Variants in CCDC183 observed in about 807,000 individuals in gnomAD.
CCDC183 encodes the protein coiled-coil domain containing 183, also known as coiled-coil domain-containing protein 183.
A neutral mutation model predicts 65.2 loss-of-function variants in CCDC183; 63 were observed. The ratio of observed to expected loss-of-function variants is 0.97; its 90% CI spans 0.79 to 1.19. CCDC183 has a LOEUF of 1.19. Ranked by LOEUF, CCDC183 falls within the 50% of genes most tolerant of loss-of-function variation. The pLI is 0.00. For missense variants in CCDC183, 769 were observed against 689.3 expected (o/e 1.12, Z -1.30); for synonymous variants, 323 against 276.5 (o/e 1.17, Z -1.67).
At chr9:136,803,648 G>C (rs2131135353) in intron 6 of CCDC183, among the ~76,000 whole-genome samples, 1 of 152,344 alleles carries the variant, frequency 6.6e-6, no homozygotes, top group Middle Eastern at 3.4e-3. Flanking sequence ...GCAGAGACAG[G>C]TGGGGTGGCA....
chr9:136,806,225 C>A lies in CCDC183; in HGVS notation c.1096C>A (p.Pro366Thr). 1 of 1,592,292 alleles carries A rather than the reference C, an allele frequency of 6.3e-7. No homozygotes were observed. The highest frequency in any genetic ancestry group is 8.6e-7 in the Non-Finnish European group (1 of 1,169,462). The change falls in exon 10 of 14, where the codon CCT becomes ACT. Residue 366 changes from proline (P) to threonine (T), a missense_variant. Coordinates refer to ENST00000338005, the MANE Select transcript of CCDC183 (RefSeq NM_001039374.5). Reference protein sequence around the residue: ...EEAVLKFRQKPSSISFKSVEK... With the variant: ...EEAVLKFRQKTSSISFKSVEK... Reference sequence around the variant, plus strand: ...GGCCGTGCTCAAGTTCCGCCAGAAGCCTAGCTCCATCAGGTGCCCCGGGCT... The same window carrying A: ...GGCCGTGCTCAAGTTCCGCCAGAAGACTAGCTCCATCAGGTGCCCCGGGCT...
At chr9:136,801,949 G>A (rs917819398) in intron 5 of CCDC183, among the ~76,000 whole-genome samples, 7 of 151,992 alleles carry the variant, frequency 4.6e-5, no homozygotes, top group South Asian at 4.2e-4. Flanking sequence ...TACCACGCCC[G>A]GCTGATTTTT....
intron 1 of CCDC183, 51 bp from the exon 2 acceptor site, chr9:136,799,051 C>T: frequency 6.2e-7 from 1 of 1,607,772 alleles, no homozygotes; most frequent in South Asian, 1.1e-5. Context: ...GGATTCCAGG[C>T]CAGGCCCTTG....
chr9:136,799,824 C>A, intron 3 of CCDC183, 34 bp downstream of exon 3: 1 of 1,578,456 alleles, frequency 6.3e-7, no homozygotes, highest in Non-Finnish European at 8.7e-7. Flanking sequence ...AGACCCAACC[C>A]TCCCCACCCC....
intron 6 of CCDC183, among the ~76,000 whole-genome samples, chr9:136,803,708 C>T (rs541499485): frequency 3.9e-5 from 6 of 152,268 alleles, no homozygotes; most frequent in South Asian, 2.1e-4. Flanking sequence ...GGATTGAACC[C>T]GCAAAGGTCA....
chr9:136,807,025 A>C lies in CCDC183; in HGVS notation c.1445A>C (p.Asn482Thr), dbSNP rs201249285. The C allele has an allele frequency of 1.8e-4, 291 of 1,613,564 alleles. 2 individuals are homozygous for C. Among genetic ancestry groups the C allele is most frequent in the South Asian group, 1.4e-3 (131 of 91,076 alleles). Reference sequence around the variant, plus strand: ...TCCTCGACTCTGATGGAGAAGTACAACACCAGGATCAGCTTTGAGAACCGG... The same window carrying C: ...TCCTCGACTCTGATGGAGAAGTACACCACCAGGATCAGCTTTGAGAACCGG... ...LESSTLMEKYNTRISFENREE... is the reference protein window; with the variant it reads ...LESSTLMEKYTTRISFENREE... The change falls in exon 13 of 14, where the codon AAC becomes ACC. Residue 482 changes from asparagine (N) to threonine (T), a missense_variant. Transcript: ENST00000338005.
At chr9:136,800,756 C>G in intron 5 of CCDC183, 1 of 443,576 alleles carries the variant, frequency 2.3e-6, no homozygotes, top group Non-Finnish European at 4.1e-6. Context: ...TGTATCTTGC[C>G]TGTCATTTTC....
chr9:136,807,337 G>T (rs982599169), intron 13 of CCDC183: 33 of 660,550 alleles, frequency 5.0e-5, no homozygotes, highest in Admixed American at 1.8e-4. Flanking sequence ...CTGGAGCAGG[G>T]AGGAGCGCGG....
chr9:136,803,290 C>T (rs35988178), intron 6 of CCDC183, among the ~76,000 whole-genome samples: 6,017 of 117,414 alleles, frequency 0.051, 973 homozygotes, highest in Middle Eastern at 0.072. Flanking sequence ...GCTGGGGCCC[C>T]CCAGGGCGGG....
At position 136,803,217 on chromosome 9, in the gene CCDC183, GGGCCCCCCAGGGCCA is replaced by G. The variant is rs1422129528; in HGVS notation, c.666+433_666+447del. On this transcript the variant is annotated intron_variant, in intron 6 of 13. Transcript: ENST00000338005. ...AGGTGAGCTCAGGGCCCAGGGCTGG[GGGCCCCCCAGGGCCA>G]GCCCTCTTGGATCTTCGGATGGGGT... Among the ~76,000 whole-genome samples, 795 of 85,256 alleles carry G rather than the reference GGGCCCCCCAGGGCCA, an allele frequency of 9.3e-3. 85 individuals are homozygous for G. Among genetic ancestry groups the G allele is most frequent in the Non-Finnish European group, 0.012 (497 of 39,772 alleles). The allele number at this position is 85,256 out of a possible 152,430, so 55.9% of individuals were successfully genotyped here.
intron 1 of CCDC183, among the ~76,000 whole-genome samples, chr9:136,797,861 C>T (rs1048613829): frequency 6.6e-5 from 10 of 152,154 alleles, no homozygotes; most frequent in African/African-American, 1.7e-4. Context: ...CGCTCTGTCA[C>T]GCAGGCTCGA....
rs1330986592 is a variant in CCDC183 at position 136,807,670 on chromosome 9, G to T, written c.1585G>T (p.Ala529Ser). The T allele has an allele frequency of 6.2e-7, 1 of 1,602,642 alleles. No individual in the cohort carries two copies. Among genetic ancestry groups the T allele is most frequent in the South Asian group, 1.1e-5 (1 of 89,750 alleles). ...QRLIEGKLKA[A>S]KKKKK ...GCTAATCGAGGGGAAGCTCAAGGCG[G>T]CCAAGAAAAAGAAGAAGTAGCCCCG... is the stretch of plus-strand genomic sequence containing the variant. Residue 529 changes from alanine to serine, a missense_variant, in exon 14 of 14, where the codon GCC (alanine) becomes TCC (serine). Ala to Ser is a moderately conservative substitution (Grantham distance 99). Coordinates refer to ENST00000338005, the MANE Select transcript of CCDC183 (RefSeq NM_001039374.5).
chr9:136,800,153 A>T lies in CCDC183; in HGVS notation c.422A>T (p.Glu141Val). Residue 141 changes from glutamate (E) to valine (V), a missense_variant, in exon 4 of 14, where the codon GAG (glutamate) becomes GTG (valine). Physicochemically the swap from Glu to Val is moderately radical, Grantham distance 121 (BLOSUM62 -2). Coordinates refer to ENST00000338005, the MANE Select transcript of CCDC183 (RefSeq NM_001039374.5). ...AGCCAGCCCGACGCCAGCAAGGAGG[A>T]GCTGCGGCTGCTGCAGGTGGAGAGG... ...LRSQPDASKE[E>V]LRLLQIIRQL... The T allele has an allele frequency of 7.4e-7, 1 of 1,358,462 alleles. No individual in the cohort carries two copies. The highest frequency in any genetic ancestry group is 1.5e-5 in the African/African-American group (1 of 65,116). 84.2% of individuals were successfully genotyped at this position (1,358,462 alleles called of 1,614,324 possible).
chr9:136,800,929 G>A (rs970785178), intron 5 of CCDC183, among the ~76,000 whole-genome samples: 1 of 152,224 alleles, frequency 6.6e-6, no homozygotes, highest in Non-Finnish European at 1.5e-5. Flanking sequence ...CAGTCCGATT[G>A]TGAGGGAAGA....
chr9:136,805,068 A>G (rs1847818183), intron 8 of CCDC183: 1 of 594,710 alleles, frequency 1.7e-6, no homozygotes, highest in Non-Finnish European at 3.0e-6. Flanking sequence ...GCAGAGGATG[A>G]GCATCCTGAC....
chr9:136,806,443 T>G, intron 10 of CCDC183, 61 bp from the exon 11 acceptor site: 1 of 1,598,994 alleles, frequency 6.3e-7, no homozygotes, highest in Non-Finnish European at 8.6e-7. Flanking sequence ...GGCTCCTGGG[T>G]GGCCCACCAT....
At chr9:136,802,121 G>A (rs1367280034) in intron 5 of CCDC183, among the ~76,000 whole-genome samples, 1 of 152,172 alleles carries the variant, frequency 6.6e-6, no homozygotes, top group African/African-American at 2.4e-5. Context: ...AACCACTATA[G>A]CAAAGCTATC....
intron 5 of CCDC183, 91 bp downstream of exon 5, chr9:136,800,584 C>T: frequency 1.1e-6 from 1 of 939,484 alleles, no homozygotes; most frequent in Admixed American, 2.3e-5. Flanking sequence ...CCGCACCCGC[C>T]AGGGAGAGGG....
chr9:136,799,400 C>T (rs1459750027), intron 2 of CCDC183, 177 bp downstream of exon 2: 5 of 1,096,052 alleles, frequency 4.6e-6, no homozygotes, highest in Non-Finnish European at 5.0e-6. Context: ...CCCCAGCATC[C>T]GGTGGGCAGG....
Sources: gnomAD v4.1 joint callset for allele counts (sites outside exome capture counted in the v4.1 genomes callset) on GRCh38, gnomAD v4.1.1 for gene constraint, MANE v1.5 for transcripts, NCBI Gene and HGNC (gene_info 2026-07-23, HGNC 2026-07-21) for gene names.